RUFY1: variants seen among roughly 807,000 people sequenced by gnomAD.
RUFY1 encodes the protein RUN and FYVE domain-containing protein 1.
Under a neutral mutation model 94.6 loss-of-function variants are expected in RUFY1, and 54 were observed. The ratio of observed to expected loss-of-function variants is 0.57; its 90% confidence interval spans 0.46 to 0.72. The LOEUF is 0.72. Ranked by LOEUF, RUFY1 falls within the 30% of genes least tolerant of loss-of-function variation. RUFY1 has a pLI of 0.00. For synonymous variants in RUFY1, 396 were observed against 347.3 expected, an observed-to-expected ratio of 1.14 and a Z score of -1.56; for missense variants, 883 against 883.9, an observed-to-expected ratio of 1.00 and a Z score of 0.01.
chr5:179,587,994 CAATT>C (rs1305497081), intron 8 of RUFY1, among the ~76,000 whole-genome samples: 1 of 151,972 alleles, frequency 6.6e-6, no homozygotes, highest in Non-Finnish European at 1.5e-5. Flanking sequence ...CACCCTGTCT[CAATT>C]AAAAAAACAA....
intron 6 of RUFY1, among the ~76,000 whole-genome samples, chr5:179,578,313 A>G (rs1763819963): frequency 6.6e-6 from 1 of 152,108 alleles, no homozygotes; most frequent in African/African-American, 2.4e-5. Context: ...TCCCCGGTTC[A>G]AGCGATTCTT....
At chr5:179,588,313 C>T (rs1764772879) in intron 8 of RUFY1, among the ~76,000 whole-genome samples, 1 of 152,170 alleles carries the variant, frequency 6.6e-6, no homozygotes, top group South Asian at 2.1e-4. Flanking sequence ...GCCAGCCAAG[C>T]ACCAAGGACA....
intron 4 of RUFY1, among the ~76,000 whole-genome samples, chr5:179,568,627 A>G (rs1285916890): frequency 1.3e-5 from 2 of 152,232 alleles, no homozygotes; most frequent in Admixed American, 6.5e-5. Context: ...AAAATTATAC[A>G]TATTTATGGG....
chr5:179,591,591 A>C, intron 9 of RUFY1, 34 bp from the exon 10 acceptor site: 1 of 1,341,742 alleles, frequency 7.5e-7, no homozygotes, highest in Non-Finnish European at 1.1e-6. Context: ...TTCCATAAGC[A>C]AACAATTCCT....
intron 4 of RUFY1, among the ~76,000 whole-genome samples, chr5:179,568,435 A>G (rs1328211724): frequency 6.6e-6 from 1 of 152,202 alleles, no homozygotes; most frequent in African/African-American, 2.4e-5. Flanking sequence ...TTTACAGCAT[A>G]GCCTAAAACC....
intron 5 of RUFY1, among the ~76,000 whole-genome samples, chr5:179,575,497 C>G (rs1012568010): frequency 6.6e-6 from 1 of 152,136 alleles, no homozygotes; most frequent in Admixed American, 6.5e-5. Flanking sequence ...AACGCATATG[C>G]CTCAAGAGAA....
intron 2 of RUFY1, among the ~76,000 whole-genome samples, chr5:179,561,380 A>T (rs1258714202): frequency 6.6e-6 from 1 of 152,072 alleles, no homozygotes; most frequent in African/African-American, 2.4e-5. Context: ...AGGCTGGACC[A>T]TATATGTCCT....
chr5:179,560,297 C>T lies in RUFY1; in HGVS notation c.484+99C>T, dbSNP rs557290500. The stretch of plus-strand genomic sequence containing the variant: ...AGACATCCTTCTAGATGCTGAAATG[C>T]CAGCAGTGTACAGAACAGGCAAGGT... On this transcript the variant is annotated intron_variant, in intron 2 of 17. Coordinates refer to ENST00000319449, the MANE Select transcript of RUFY1 (RefSeq NM_025158.5). The T allele has an allele frequency of 1.3e-5, 19 of 1,424,216 alleles. No individual in the cohort carries two copies. In the East Asian group the frequency reaches 3.9e-4, roughly 30 times the overall value. 88.2% of individuals were successfully genotyped at this position (1,424,216 alleles called of 1,614,324 possible). A position where few individuals can be genotyped will look rare whatever the true frequency, so the allele number is the denominator to read the frequency against.
intron 7 of RUFY1, among the ~76,000 whole-genome samples, chr5:179,583,856 TCTC>T (rs1235498591): frequency 3.3e-5 from 5 of 151,880 alleles, no homozygotes; most frequent in African/African-American, 1.2e-4. Flanking sequence ...TTCACGCCAT[TCTC>T]CTGCCTCAGC....
chr5:179,599,399 G>C (rs932652304), intron 14 of RUFY1: 8 of 152,742 alleles, frequency 5.2e-5, no homozygotes, highest in African/African-American at 1.7e-4. Context: ...CCTACCACAT[G>C]CCAGCCTCAC....
At chr5:179,585,489 A>G (rs1189287475) in intron 7 of RUFY1, among the ~76,000 whole-genome samples, 1 of 152,098 alleles carries the variant, frequency 6.6e-6, no homozygotes, top group Admixed American at 6.6e-5. Context: ...TGAGGCTGGA[A>G]AATCGCTTGA....
intron 10 of RUFY1, 144 bp downstream of exon 10, chr5:179,591,885 G>C (rs1271769699): frequency 2.0e-6 from 1 of 504,222 alleles, no homozygotes; most frequent in Non-Finnish European, 3.5e-6. Flanking sequence ...TTAAGTCTAT[G>C]GTTACAACTC....
intron 1 of RUFY1, among the ~76,000 whole-genome samples, 154 bp downstream of exon 1, chr5:179,551,033 C>T (rs1056968701): frequency 7.9e-5 from 12 of 151,790 alleles, no homozygotes; most frequent in African/African-American, 2.2e-4. Flanking sequence ...GCGCCTGGGT[C>T]TTTACTCCGG....
At chr5:179,550,951 G>C in intron 1 of RUFY1, 72 bp downstream of exon 1, 4 of 1,007,928 alleles carry the variant, frequency 4.0e-6, no homozygotes, top group Non-Finnish European at 4.7e-6. Context: ...GGCGCGGTGG[G>C]GGCCGGGCTG....
chr5:179,601,907 C>T lies in RUFY1; in HGVS notation c.1777C>T (p.Gln593Ter), dbSNP rs1285471528. Residue 593 changes from glutamine (Q) to a stop codon, truncating the protein, a stop_gained, in exon 15 of 18, where the codon CAG becomes TAG. Transcript: ENST00000319449. LOFTEE classifies it high-confidence loss of function. Reference sequence around the variant, plus strand: ...TTCATTTTAGGAGTTGCGGGAGCTTCAGGACGAGAAGGCAGAGCTGCAGAA... The same window carrying T: ...TTCATTTTAGGAGTTGCGGGAGCTTTAGGACGAGAAGGCAGAGCTGCAGAA... ...EGLKKELREL[Q>*]DEKAELQKIC... The T allele has an allele frequency of 6.2e-7, 1 of 1,609,902 alleles. No homozygotes were observed. The highest frequency in any genetic ancestry group is 1.3e-5 in the African/African-American group (1 of 74,534).
At chr5:179,561,700 T>TTTTTTTTTTTG (rs764059834) in intron 2 of RUFY1, among the ~76,000 whole-genome samples, 181 of 95,348 alleles carry the variant, frequency 1.9e-3, no homozygotes, top group Non-Finnish European at 2.8e-3. Flanking sequence ...TTTTTTTTTT[T>TTTTTTTTTTTG]TTTGAAGAGT....
At chr5:179,567,606 A>C in intron 4 of RUFY1, 44 bp downstream of exon 4, 1 of 1,413,094 alleles carries the variant, frequency 7.1e-7, no homozygotes, top group South Asian at 1.2e-5. Flanking sequence ...TTGGTAAATA[A>C]TTAGAACATA....
At chr5:179,555,542 C>A in intron 1 of RUFY1, 2 of 318,260 alleles carry the variant, frequency 6.3e-6, no homozygotes, top group South Asian at 2.3e-5. Flanking sequence ...CTTCCAGAGA[C>A]AGCACCACCC....
intron 7 of RUFY1, among the ~76,000 whole-genome samples, chr5:179,584,997 G>A (rs1764483415): frequency 6.6e-6 from 1 of 151,966 alleles, no homozygotes; most frequent in Non-Finnish European, 1.5e-5. Context: ...CGAGCATGTT[G>A]ACGGGCGCCT....
Sources: allele counts gnomAD v4.1 joint callset (sites outside exome capture counted in the v4.1 genomes callset), GRCh38; gene constraint gnomAD v4.1.1; transcripts MANE v1.5; gene names NCBI Gene and HGNC (gene_info 2026-07-23, HGNC 2026-07-21).